The following CORO2B variants were observed in gnomAD, a reference collection of about 807,000 sequenced individuals.
The protein encoded by CORO2B is coronin 2B.
In CORO2B, 26 loss-of-function variants were observed where a neutral mutation model predicts 58.8. The ratio of observed to expected loss-of-function variants is 0.44; its 90% CI spans 0.32 to 0.61. The LOEUF is 0.61. Among genes scored for constraint, CORO2B ranks in the 20% least tolerant of loss-of-function variants. The pLI, the probability that CORO2B is intolerant of heterozygous loss-of-function variation, is 0.04. For synonymous variants in CORO2B, 242 were observed against 253.8 expected (o/e 0.95, Z 0.44); for missense variants, 460 against 645.1 (o/e 0.71, Z 3.11).
intron 2 of CORO2B, among the ~76,000 whole-genome samples, chr15:68,669,174 AAAAG>A (rs991541457): frequency 1.4e-5 from 2 of 147,910 alleles, no homozygotes; most frequent in African/African-American, 4.9e-5. Flanking sequence ...GAAAGAAAAG[AAAAG>A]AAAGAAAGGA....
chr15:68,558,465 T>A, the CORO2B span, among the ~76,000 whole-genome samples: 2 of 152,188 alleles, frequency 1.3e-5, no homozygotes, highest in Middle Eastern at 3.4e-3. Flanking sequence ...TGACCTCCCA[T>A]GATTAAGAAA....
chr15:68,598,650 C>T (rs1899899743), intron 1 of CORO2B, among the ~76,000 whole-genome samples: 1 of 152,334 alleles, frequency 6.6e-6, no homozygotes, highest in Admixed American at 6.5e-5. Flanking sequence ...CAGCAGCGTA[C>T]TCTCCCCAGC....
At chr15:68,578,650 C>T (rs956118860), upstream of CORO2B, among the ~76,000 whole-genome samples, 2 of 152,016 alleles carry the variant, frequency 1.3e-5, no homozygotes, top group Non-Finnish European at 2.9e-5. The surrounding 1 kb of genome is among the most constrained non-coding windows in gnomAD (Gnocchi z 4.2). Flanking sequence ...CGCAGCGCCT[C>T]GGCCGTCCAG....
At chr15:68,641,532 A>T in intron 1 of CORO2B, 1 of 985,328 alleles carries the variant, frequency 1.0e-6, no homozygotes, top group Non-Finnish European at 1.2e-6. Flanking sequence ...GTGAAGTCAG[A>T]TGGGAAAACA....
intron 2 of CORO2B, among the ~76,000 whole-genome samples, chr15:68,692,242 G>A (rs11852724): frequency 5.3e-5 from 8 of 151,948 alleles, no homozygotes; most frequent in Admixed American, 1.3e-4. Context: ...TAAAGATAAC[G>A]TGCGTAACCC....
At chr15:68,548,236 C>T in the CORO2B span, among the ~76,000 whole-genome samples, 1 of 151,394 alleles carries the variant, frequency 6.6e-6, no homozygotes, top group African/African-American at 2.4e-5. Flanking sequence ...TTGATACATA[C>T]ATCTAATTCT....
At chr15:68,581,037 G>A (rs1475117146) in intron 1 of CORO2B, among the ~76,000 whole-genome samples, 2 of 152,152 alleles carry the variant, frequency 1.3e-5, no homozygotes, top group African/African-American at 4.8e-5. Context: ...GCACTGCTCT[G>A]CATCGTTGGG....
At chr15:68,639,958 GTCA>G in intron 1 of CORO2B, among the ~76,000 whole-genome samples, 1 of 152,280 alleles carries the variant, frequency 6.6e-6, no homozygotes, top group East Asian at 1.9e-4. Context: ...AGATTTTCAG[GTCA>G]CCTCTTGGCC....
At chr15:68,637,586 G>T (rs1393603631) in intron 1 of CORO2B, among the ~76,000 whole-genome samples, 1 of 152,208 alleles carries the variant, frequency 6.6e-6, no homozygotes, top group Non-Finnish European at 1.5e-5. Flanking sequence ...GCCTGGAGAA[G>T]GAAGGCGGCT....
In CORO2B at chr15:68,710,116, T is replaced by C. The variant is rs1892879400; in HGVS notation, c.334-616T>C. On this transcript the variant is annotated intron_variant, in intron 3 of 11. Coordinates refer to ENST00000261861, the MANE Select transcript of CORO2B (RefSeq NM_006091.5). The surrounding 1 kb of genome is among the most constrained non-coding windows in gnomAD (Gnocchi z 4.1). Reference sequence around the variant, plus strand: ...ATCTTTTTCTGCTTCTTTATCAGTATCCACAAGACTGAAAATAGCAGCTCT... The same window carrying C: ...ATCTTTTTCTGCTTCTTTATCAGTACCCACAAGACTGAAAATAGCAGCTCT... Among the ~76,000 whole-genome samples the C allele has an allele frequency of 6.6e-6, 1 of 152,218 alleles. No homozygotes were observed. The highest frequency in any genetic ancestry group is 6.5e-5 in the Admixed American group (1 of 15,286).
intron 2 of CORO2B, among the ~76,000 whole-genome samples, chr15:68,672,037 G>C (rs1902413072): frequency 6.6e-6 from 1 of 152,046 alleles, no homozygotes; most frequent in African/African-American, 2.4e-5. Context: ...AGCATGATGG[G>C]GCCCACAGGA....
At position 68,650,760 on chromosome 15, in the gene CORO2B, G is replaced by C. The variant is rs79551912; in HGVS notation, c.216+5400G>C. On this transcript the variant is annotated intron_variant, in intron 2 of 11. Transcript: ENST00000261861. ...ATATGATCTAAATTTCTTACAATCA[G>C]TACTTAACGTTTTGTACTTTCGAAA... is the stretch of plus-strand genomic sequence containing the variant. Among the ~76,000 whole-genome samples the C allele has an allele frequency of 4.2e-3, 647 of 152,296 alleles. 2 individuals are homozygous for C. The highest frequency in any genetic ancestry group is 0.015 in the African/African-American group (609 of 41,560).
chr15:68,691,286 C>T (rs527644121), intron 2 of CORO2B, among the ~76,000 whole-genome samples: 79 of 137,776 alleles, frequency 5.7e-4, no homozygotes, highest in African/African-American at 2.1e-3. Flanking sequence ...GCCGAGATCG[C>T]GCCACTGCAC....
chr15:68,575,419 C>A (rs1022620295), upstream of CORO2B, among the ~76,000 whole-genome samples: 3 of 92,658 alleles, frequency 3.2e-5, no homozygotes, highest in Non-Finnish European at 6.8e-5. Context: ...CTCACTGCAA[C>A]CTCCGCCTCC....
chr15:68,537,059 T>G, the CORO2B span, among the ~76,000 whole-genome samples: 1 of 152,240 alleles, frequency 6.6e-6, no homozygotes, highest in Non-Finnish European at 1.5e-5. Flanking sequence ...TTATTTTGGA[T>G]TTTGTGTCAC....
intron 1 of CORO2B, among the ~76,000 whole-genome samples, chr15:68,590,731 C>A (rs1899683322): frequency 6.6e-6 from 1 of 152,270 alleles, no homozygotes; most frequent in Non-Finnish European, 1.5e-5. Context: ...CTGGACCGAG[C>A]CTGCTGGAAG....
rs117175387 is a variant in CORO2B, at chr15:68,606,999, G to A, written c.15+27722G>A. Among the ~76,000 whole-genome samples, 683 of 152,256 alleles carry A rather than the reference G, an allele frequency of 4.5e-3. 6 individuals are homozygous for A. Among genetic ancestry groups the A allele is most frequent in the Non-Finnish European group, 5.2e-3 (356 of 68,020 alleles). On this transcript the variant is annotated intron_variant, in intron 1 of 11. Coordinates refer to ENST00000261861, the MANE Select transcript of CORO2B (RefSeq NM_006091.5). ...CAAAGCTGGAGGGCACTACAAGAAG[G>A]AGCCTTCTCCAAACATCTTGAGTCT...
At position 68,711,726 on chromosome 15, in the gene CORO2B, G is replaced by T. The variant is rs780944963; in HGVS notation, c.648+20G>T. 15 of 1,613,422 alleles carry T rather than the reference G, an allele frequency of 9.3e-6. No homozygotes were observed. The highest frequency in any genetic ancestry group is 1.3e-5 in the Non-Finnish European group (15 of 1,179,836). ...CTGCAGGTGGAACCCTACATTTTTT[G>T]AGATTGAAGGGGAAGGTATTGAGGG... On this transcript the variant is annotated intron_variant, in intron 5 of 11. Transcript: ENST00000261861.
chr15:68,710,921 G>A lies in CORO2B; in HGVS notation c.483+40G>A, dbSNP rs1892901531. The A allele has an allele frequency of 6.4e-7, 1 of 1,550,728 alleles. No homozygotes were observed. The highest frequency in any genetic ancestry group is 1.4e-5 in the African/African-American group (1 of 73,850). On this transcript the variant is annotated intron_variant, in intron 4 of 11. Transcript: ENST00000261861. This position sits in a 1 kb window ranked among gnomAD's most constrained non-coding sequence, Gnocchi z 4.1. Reference sequence around the variant, plus strand: ...GGCAGCTGGGTGGAGAGGGATTGGGGAAGAGAAAGGGGCCTTTTGGGTACC... The same window carrying A: ...GGCAGCTGGGTGGAGAGGGATTGGGAAAGAGAAAGGGGCCTTTTGGGTACC...
Sources: allele counts gnomAD v4.1 joint callset (sites outside exome capture counted in the v4.1 genomes callset), GRCh38; gene constraint gnomAD v4.1.1; non-coding constraint Gnocchi (gnomAD v3.1); transcripts MANE v1.5; gene names NCBI Gene and HGNC (gene_info 2026-07-23, HGNC 2026-07-21).